The following CMTM7 variants were observed in gnomAD, a reference collection of about 807,000 sequenced individuals.
The protein encoded by CMTM7 is CKLF-like MARVEL transmembrane domain-containing protein 7.
CMTM7 carries 7 observed loss-of-function variants against 19.3 expected under a neutral mutation model. The observed-to-expected ratio is 0.36, with a 90% confidence interval of 0.21 to 0.68. CMTM7 has a LOEUF of 0.68. CMTM7 is among the 30% of genes least tolerant of loss of function. CMTM7 has a pLI of 0.60. For missense variants in CMTM7, 193 were observed against 232.6 expected (o/e 0.83, Z 1.11); for synonymous variants, 87 against 99.3 (o/e 0.88, Z 0.74).
chr3:32,436,860 A>G (rs746045910), intron 1 of CMTM7, among the ~76,000 whole-genome samples: 100 of 152,210 alleles, frequency 6.6e-4, no homozygotes, highest in Non-Finnish European at 1.4e-3. Context: ...TCCCCAGCCC[A>G]ATCAGAAGCC....
intron 2 of CMTM7, among the ~76,000 whole-genome samples, chr3:32,447,846 G>T (rs944219654): frequency 3.3e-5 from 5 of 152,030 alleles, no homozygotes; most frequent in African/African-American, 1.2e-4. Context: ...TTCTCGTTTT[G>T]CTTTGGTTTT....
intron 2 of CMTM7, 23 bp downstream of exon 2, chr3:32,442,036 T>C: frequency 6.2e-7 from 1 of 1,610,220 alleles, no homozygotes; most frequent in Middle Eastern, 1.7e-4. Context: ...TCTGGCCCTG[T>C]CCTCCGCATG....
chr3:32,447,948 CT>C (rs1696776180), intron 2 of CMTM7, among the ~76,000 whole-genome samples: 1 of 152,124 alleles, frequency 6.6e-6, no homozygotes, highest in East Asian at 1.9e-4. Context: ...AGAGAAATTT[CT>C]TTTGTGTTTC....
At chr3:32,393,856 A>G (rs1377422957) in intron 1 of CMTM7, among the ~76,000 whole-genome samples, 3 of 151,678 alleles carry the variant, frequency 2.0e-5, no homozygotes. Flanking sequence ...ATGAATAAAG[A>G]TACTGGGAGA....
intron 1 of CMTM7, among the ~76,000 whole-genome samples, chr3:32,408,856 AT>A (rs5847762): frequency 0.42 from 63,715 of 151,618 alleles, 13,651 homozygotes; most frequent in South Asian, 0.47. Flanking sequence ...GTATCAGATG[AT>A]TTTAAGTCTC....
chr3:32,406,566 T>A (rs951923998), intron 1 of CMTM7, among the ~76,000 whole-genome samples: 1 of 152,156 alleles, frequency 6.6e-6, no homozygotes, highest in African/African-American at 2.4e-5. Context: ...CCACTCAAAT[T>A]TCTTTAGCAT....
Position 32,454,367 on chromosome 3 carries a change from A to G in CMTM7, c.*113A>G. 1.5e-6 allele frequency: 2 copies of G among 1,328,366 alleles called. No individual in the cohort carries two copies. The highest frequency in any genetic ancestry group is 2.1e-6 in the Non-Finnish European group (2 of 932,226). The allele number at this position is 1,328,366 out of a possible 1,614,324, so 82.3% of individuals were successfully genotyped here. ...CCAAAGTCCTGTCAGGCTGGTGGGCACCAGGAAAGGCCTGCACCCTCTTCC... is the reference window on the plus strand; with the variant it reads ...CCAAAGTCCTGTCAGGCTGGTGGGCGCCAGGAAAGGCCTGCACCCTCTTCC... On this transcript the variant is annotated 3_prime_UTR_variant, in exon 5 of 5. Coordinates refer to ENST00000334983, the MANE Select transcript of CMTM7 (RefSeq NM_138410.4).
At chr3:32,392,133 G>A (rs778350995) in intron 1 of CMTM7, 68 bp downstream of exon 1, 94 of 1,151,308 alleles carry the variant, frequency 8.2e-5, no homozygotes, top group Non-Finnish European at 1.0e-4. Flanking sequence ...GTCCGGGAGC[G>A]GACGCGCCGG....
At chr3:32,414,895 G>T (rs186570747) in intron 1 of CMTM7, among the ~76,000 whole-genome samples, 1 of 152,152 alleles carries the variant, frequency 6.6e-6, no homozygotes, top group Non-Finnish European at 1.5e-5. Flanking sequence ...GGCCCTGGGA[G>T]GTTACATAGC....
chr3:32,397,789 G>A (rs1206861693), intron 1 of CMTM7, among the ~76,000 whole-genome samples: 1 of 151,802 alleles, frequency 6.6e-6, no homozygotes, highest in Non-Finnish European at 1.5e-5. Flanking sequence ...ATGTGACCAA[G>A]ACTGCCCAAC....
At chr3:32,407,576 G>A (rs537581055) in intron 1 of CMTM7, among the ~76,000 whole-genome samples, 1 of 152,156 alleles carries the variant, frequency 6.6e-6, no homozygotes, top group East Asian at 1.9e-4. Flanking sequence ...GGGGGCCTTC[G>A]TGACACATAC....
intron 1 of CMTM7, among the ~76,000 whole-genome samples, chr3:32,400,529 A>G (rs1314847332): frequency 6.7e-6 from 1 of 149,458 alleles, no homozygotes; most frequent in Non-Finnish European, 1.5e-5. Flanking sequence ...AGTAGCTGGG[A>G]CTACAGATAT....
chr3:32,412,191 A>G (rs1696187640), intron 1 of CMTM7, among the ~76,000 whole-genome samples: 1 of 151,846 alleles, frequency 6.6e-6, no homozygotes, highest in South Asian at 2.1e-4. Context: ...CTAAATTAAA[A>G]TATTCATTGC....
chr3:32,417,893 C>T (rs985763901), intron 1 of CMTM7, among the ~76,000 whole-genome samples: 1 of 152,164 alleles, frequency 6.6e-6, no homozygotes, highest in Non-Finnish European at 1.5e-5. Context: ...ATGATCTCAG[C>T]TCACTGCAAC....
At position 32,441,858 on chromosome 3, in the gene CMTM7, T is replaced by C; in HGVS notation, c.178T>C (p.Phe60Leu). The C allele has an allele frequency of 6.2e-7, 1 of 1,614,180 alleles. No individual in the cohort carries two copies. The highest frequency in any genetic ancestry group is 1.3e-5 in the African/African-American group (1 of 75,052). The change falls in exon 2 of 5, where the codon TTC (phenylalanine) becomes CTC (leucine). Residue 60 changes from phenylalanine to leucine, a missense_variant. By Grantham distance (22) the Phe-to-Leu change is conservative. Coordinates refer to ENST00000334983, the MANE Select transcript of CMTM7 (RefSeq NM_138410.4). The part of the protein sequence containing the change: ...VAQMVTLLIA[F>L]ICVRSSLWTN... ...GTGGCAGGTCACCCTGCTGATTGCC[T>C]TCATCTGTGTGCGGAGCTCCCTGTG...
chr3:32,414,862 C>T (rs978076498), intron 1 of CMTM7, among the ~76,000 whole-genome samples: 1 of 152,172 alleles, frequency 6.6e-6, no homozygotes, highest in African/African-American at 2.4e-5. Flanking sequence ...TATTTGTCAC[C>T]TCCACTTTCC....
chr3:32,399,649 C>T (rs1695972298), intron 1 of CMTM7, among the ~76,000 whole-genome samples: 1 of 152,128 alleles, frequency 6.6e-6, no homozygotes, highest in African/African-American at 2.4e-5. Context: ...AGGGCCCATC[C>T]CTTTATGTTC....
intron 1 of CMTM7, among the ~76,000 whole-genome samples, chr3:32,404,641 C>A (rs1696063981): frequency 6.6e-6 from 1 of 152,254 alleles, no homozygotes; most frequent in Non-Finnish European, 1.5e-5. Context: ...GGTGTGCTAT[C>A]TCTCCATGTA....
At chr3:32,423,332 A>G (rs908416045) in intron 1 of CMTM7, among the ~76,000 whole-genome samples, 1 of 152,240 alleles carries the variant, frequency 6.6e-6, no homozygotes, top group Non-Finnish European at 1.5e-5. Context: ...GAGTGGCCAC[A>G]TTTCATTTTA....
Sources: gnomAD v4.1 joint callset for allele counts (sites outside exome capture counted in the v4.1 genomes callset) on GRCh38, gnomAD v4.1.1 for gene constraint, MANE v1.5 for transcripts, NCBI Gene and HGNC (gene_info 2026-07-23, HGNC 2026-07-21) for gene names.